PSMD11: variants seen among roughly 807,000 people sequenced by gnomAD.
PSMD11 encodes 26S proteasome non-ATPase regulatory subunit 11.
In PSMD11, 5 loss-of-function variants were observed where a neutral mutation model predicts 62.3. The ratio of observed to expected loss-of-function variants is 0.08; its 90% confidence interval spans 0.04 to 0.17. PSMD11 has a LOEUF of 0.17. PSMD11 is among the 10% of genes least tolerant of loss of function. The probability of loss-of-function intolerance (pLI) is 1.00; values close to 1 mark genes in which losing one functional copy is unlikely to be tolerated. For synonymous variants in PSMD11, 191 were observed against 191.8 expected (o/e 1.00, Z 0.03); for missense variants, 310 against 512.9 (o/e 0.60, Z 3.82).
At chr17:32,445,998 T>C (rs1456280456) in intron 1 of PSMD11, 1 of 152,246 alleles carries the variant, frequency 6.6e-6, no homozygotes, top group Admixed American at 6.5e-5. Flanking sequence ...GTGAGGAGCA[T>C]GAATTTTAAT....
chr17:32,454,753 T>G, intron 3 of PSMD11, 134 bp downstream of exon 3: 1 of 966,494 alleles, frequency 1.0e-6, no homozygotes, highest in South Asian at 1.7e-5. Context: ...TCATGTCAGT[T>G]TCTCTTTGTT....
rs200794922 is a variant in PSMD11, at chr17:32,469,013, C to G, written c.463C>G (p.Arg155Gly). 271 of 1,612,886 alleles carry G rather than the reference C, an allele frequency of 1.7e-4. No individual in the cohort carries two copies. Among genetic ancestry groups the G allele is most frequent in the Non-Finnish European group, 2.2e-4 (257 of 1,179,616 alleles). ...TCCTTTTTCAGGTTCTCAGCTGCTG[C>G]GGGAGTTGAAAAAGATGGACGACAA... The part of the protein sequence containing the change: ...EALHLGSQLL[R>G]ELKKMDDKAL... Residue 155 changes from arginine to glycine, a missense_variant, in exon 6 of 14, where the codon CGG becomes GGG. Arg to Gly is a moderately radical substitution (Grantham distance 125). Around this residue, in one of 6 missense-constraint regions of PSMD11, gnomAD observed 47 missense variants for 59.0 expected, o/e 0.80. Transcript: ENST00000261712.
chr17:32,470,792 A>G (rs577695884), intron 6 of PSMD11, among the ~76,000 whole-genome samples: 1 of 152,294 alleles, frequency 6.6e-6, no homozygotes, highest in Non-Finnish European at 1.5e-5. Context: ...GATGTGTCTC[A>G]TTTAGTTTAG....
At chr17:32,474,909 T>C in intron 8 of PSMD11, 85 bp downstream of exon 8, 1 of 1,188,962 alleles carries the variant, frequency 8.4e-7, no homozygotes, top group Non-Finnish European at 1.3e-6. Flanking sequence ...CCAGCACTCT[T>C]CAGATCTTCA....
intron 3 of PSMD11, among the ~76,000 whole-genome samples, chr17:32,458,078 C>T (rs538214528): frequency 1.2e-4 from 19 of 152,256 alleles, no homozygotes; most frequent in East Asian, 3.9e-4. Flanking sequence ...GGATTATAGG[C>T]GTGAGCTACT....
chr17:32,480,293 A>G, intron 12 of PSMD11, 96 bp downstream of exon 12: 1 of 1,530,468 alleles, frequency 6.5e-7, no homozygotes. Context: ...GTTTCCCCCG[A>G]TGGTTCACCC....
At position 32,481,543 on chromosome 17, in the gene PSMD11, CGTCA is replaced by C. The variant is rs1346052030; in HGVS notation, c.*794_*797del. ...TTTAAACACAGTAAACTAGATTAGT[CGTCA>C]GTGTTTTAATTGCCCCTCTTCTCCT... On this transcript the variant is annotated 3_prime_UTR_variant, in exon 14 of 14. Transcript: ENST00000261712. 7 of 150,490 alleles carry C rather than the reference CGTCA, an allele frequency of 4.7e-5. No individual in the cohort carries two copies. The highest frequency in any genetic ancestry group is 2.6e-4 in the Admixed American group (4 of 15,098). The allele number at this position is 150,490 out of a possible 1,614,324, so 9.3% of individuals were successfully genotyped here.
At chr17:32,456,272 G>C (rs937373454) in intron 3 of PSMD11, among the ~76,000 whole-genome samples, 1 of 152,146 alleles carries the variant, frequency 6.6e-6, no homozygotes, top group African/African-American at 2.4e-5. Flanking sequence ...GAAGTTTTTG[G>C]GCAGAAAAGT....
chr17:32,451,465 C>T (rs117117721), intron 2 of PSMD11, among the ~76,000 whole-genome samples: 3,514 of 152,152 alleles, frequency 0.023, 74 homozygotes, highest in Middle Eastern at 0.065. Flanking sequence ...AACTATAGAG[C>T]CATATATTAT....
chr17:32,480,714 A>G lies in PSMD11; in HGVS notation c.*1-39A>G, dbSNP rs562871300. 2.3e-5 allele frequency: 34 copies of G among 1,490,258 alleles called. No homozygotes were observed. The South Asian group carries it at 2.5e-4, about 11-fold the overall frequency. The allele number at this position is 1,490,258 out of a possible 1,614,324, so 92.3% of individuals were successfully genotyped here. ...CTGAAAACCTCCTCCTGGTGTCCTC[A>G]TGGCTTCCTGATTGACACTGCTCTG... is the stretch of plus-strand genomic sequence containing the variant. On this transcript the variant is annotated intron_variant, in intron 13 of 13. Transcript: ENST00000261712.
intron 12 of PSMD11, 23 bp downstream of exon 12, chr17:32,480,220 AG>A: frequency 6.2e-7 from 1 of 1,603,848 alleles, no homozygotes; most frequent in South Asian, 1.1e-5. Context: ...CACACAGGCA[AG>A]GGGGCTGGTG....
chr17:32,466,684 A>T (rs1176890257), intron 5 of PSMD11, among the ~76,000 whole-genome samples: 2 of 152,218 alleles, frequency 1.3e-5, no homozygotes, highest in Non-Finnish European at 2.9e-5. Context: ...ATACTGTGTC[A>T]TGTGGTAACT....
chr17:32,471,720 G>C, intron 6 of PSMD11, among the ~76,000 whole-genome samples: 1 of 152,128 alleles, frequency 6.6e-6, no homozygotes, highest in Non-Finnish European at 1.5e-5. Flanking sequence ...AAGAAAGATG[G>C]TACAGTATGT....
intron 2 of PSMD11, among the ~76,000 whole-genome samples, chr17:32,448,495 G>C (rs1185544314): frequency 2.0e-5 from 3 of 151,824 alleles, no homozygotes; most frequent in African/African-American, 7.3e-5. Context: ...AGCCTCCCGA[G>C]TAGCTGGGAT....
intron 3 of PSMD11, chr17:32,454,976 A>G (rs1356370124): frequency 4.7e-6 from 1 of 212,620 alleles, no homozygotes; most frequent in African/African-American, 2.3e-5. Flanking sequence ...GTCTTGTGGT[A>G]TTCCTTCTTA....
At chr17:32,477,848 T>C in intron 9 of PSMD11, 1 of 267,628 alleles carries the variant, frequency 3.7e-6, no homozygotes. Context: ...CACTTTGATT[T>C]TTCACAACAC....
At chr17:32,474,332 C>T (rs1305139342) in intron 7 of PSMD11, among the ~76,000 whole-genome samples, 1 of 152,078 alleles carries the variant, frequency 6.6e-6, no homozygotes, top group Non-Finnish European at 1.5e-5. Context: ...AAAAAGTGGA[C>T]AACAAAAGTA....
intron 2 of PSMD11, among the ~76,000 whole-genome samples, chr17:32,449,454 A>G (rs996246352): frequency 6.6e-6 from 1 of 152,172 alleles, no homozygotes; most frequent in East Asian, 1.9e-4. Flanking sequence ...ACTTTCCTCC[A>G]GTGGCATGAA....
At chr17:32,477,344 A>G (rs1779206485) in intron 8 of PSMD11, 177 bp from the exon 9 acceptor site, 1 of 455,402 alleles carries the variant, frequency 2.2e-6, no homozygotes, top group African/African-American at 2.0e-5. Flanking sequence ...ACAGGTTGGC[A>G]TATAGTGGTA....
Sources: allele counts gnomAD v4.1 joint callset (sites outside exome capture counted in the v4.1 genomes callset), GRCh38; gene constraint gnomAD v4.1.1; regional missense constraint gnomAD v4.1.1; transcripts MANE v1.5; gene names NCBI Gene and HGNC (gene_info 2026-07-23, HGNC 2026-07-21).